ADAM12: variants seen among roughly 807,000 people sequenced by gnomAD.
The protein encoded by ADAM12 is disintegrin and metalloproteinase domain-containing protein 12.
ADAM12 carries 70 observed loss-of-function variants against 106.4 expected under a neutral mutation model. That is an observed-to-expected ratio of 0.66 (90% CI 0.54 to 0.80). The LOEUF (loss-of-function observed/expected upper bound fraction) is 0.80. Ranked by LOEUF, ADAM12 falls within the 30% of genes least tolerant of loss-of-function variation. ADAM12 has a pLI of 0.00. For synonymous variants in ADAM12, 420 were observed against 433.5 expected (o/e 0.97, Z 0.39); for missense variants, 1,010 against 1,171.9 (o/e 0.86, Z 2.02).
At chr10:126,192,812 A>T (rs11816710) in intron 3 of ADAM12, among the ~76,000 whole-genome samples, 1 of 152,322 alleles carries the variant, frequency 6.6e-6, no homozygotes, top group South Asian at 2.1e-4. Context: ...GCATGTGACT[A>T]TCTGGTCCTC....
At chr10:126,225,928 C>G (rs891134882) in intron 3 of ADAM12, among the ~76,000 whole-genome samples, 1 of 152,120 alleles carries the variant, frequency 6.6e-6, no homozygotes, top group Non-Finnish European at 1.5e-5. Context: ...AAGTCGAAGC[C>G]TTTCGCAGCT....
intron 3 of ADAM12, among the ~76,000 whole-genome samples, chr10:126,176,084 C>T (rs1432892533): frequency 6.6e-6 from 1 of 152,166 alleles, no homozygotes; most frequent in Non-Finnish European, 1.5e-5. Context: ...CAGGTCACTG[C>T]GATCCTCAGG....
At chr10:126,237,632 T>G (rs191115469) in intron 3 of ADAM12, among the ~76,000 whole-genome samples, 2 of 152,250 alleles carry the variant, frequency 1.3e-5, no homozygotes, top group Admixed American at 1.3e-4. Flanking sequence ...GCTGTGATCC[T>G]TATTATTTTG....
At chr10:126,109,749 A>G (rs2133599856) in intron 7 of ADAM12, 26 bp downstream of exon 7, 1 of 1,600,346 alleles carries the variant, frequency 6.2e-7, no homozygotes, top group Admixed American at 1.7e-5. Context: ...AACCAACCAT[A>G]CTGAGAAATT....
At chr10:126,363,655 A>G (rs1855812193) in intron 1 of ADAM12, among the ~76,000 whole-genome samples, 1 of 152,210 alleles carries the variant, frequency 6.6e-6, no homozygotes, top group African/African-American at 2.4e-5. Context: ...TGCCTTCTCT[A>G]TGAGAACATG....
intron 3 of ADAM12, among the ~76,000 whole-genome samples, chr10:126,218,640 G>A (rs1223292445): frequency 6.6e-6 from 1 of 152,160 alleles, no homozygotes; most frequent in Non-Finnish European, 1.5e-5. Flanking sequence ...CTGGGCAATG[G>A]GTCTGCCTTG....
At chr10:126,177,896 G>A (rs573902174) in intron 3 of ADAM12, among the ~76,000 whole-genome samples, 3 of 152,298 alleles carry the variant, frequency 2.0e-5, no homozygotes, top group South Asian at 4.1e-4. Flanking sequence ...TAGCTGGAGC[G>A]AGCAACGTGT....
chr10:126,284,132 A>C (rs1959726207), intron 2 of ADAM12, among the ~76,000 whole-genome samples: 1 of 152,084 alleles, frequency 6.6e-6, no homozygotes. Context: ...CAGGCCTTTG[A>C]GACCAGCCTG....
At chr10:126,270,663 G>C (rs932228541) in intron 3 of ADAM12, among the ~76,000 whole-genome samples, 1 of 152,152 alleles carries the variant, frequency 6.6e-6, no homozygotes, top group African/African-American at 2.4e-5. Context: ...TAGCGGTGGC[G>C]CCAGGCATTG....
rs150065909 is a variant in ADAM12, at chr10:126,064,538, G to A, written c.1609+268C>T. ...CTGCATCTTCTGTATCCCCCGGGGC[G>A]CACAGTAGGTGCTCCTGCAGCTCCT... On this transcript the variant is annotated intron_variant, in intron 14 of 22. Coordinates refer to ENST00000448723, the MANE Select transcript of ADAM12 (RefSeq NM_001288973.2). This position sits in a 1 kb window ranked among gnomAD's most constrained non-coding sequence, Gnocchi z 4.4. 6.3e-3 allele frequency among the ~76,000 whole-genome samples: 958 copies of A among 151,916 alleles called. 13 individuals carry two copies. The highest frequency in any genetic ancestry group is 0.021 in the African/African-American group (888 of 41,442).
At chr10:126,054,147 T>G (rs1418716759) in intron 14 of ADAM12, among the ~76,000 whole-genome samples, 1 of 152,226 alleles carries the variant, frequency 6.6e-6, no homozygotes, top group African/African-American at 2.4e-5. Flanking sequence ...CACTTTTTAA[T>G]AGAGAAAGTG....
rs1466357440 is a variant in ADAM12 at position 126,195,359 on chromosome 10, C to T, written c.261-40054G>A. Among the ~76,000 whole-genome samples the T allele has an allele frequency of 2.0e-5, 3 of 152,072 alleles. No individual in the cohort carries two copies. The East Asian group carries it at 5.8e-4, about 29-fold the overall frequency. ...GGAGGCCCAGGTGGGTGGATCACCTCAGATCAGGGGTTCGAGATTGGCTTG... is the reference window on the plus strand; with the variant it reads ...GGAGGCCCAGGTGGGTGGATCACCTTAGATCAGGGGTTCGAGATTGGCTTG... On this transcript the variant is annotated intron_variant, in intron 3 of 22. Coordinates refer to ENST00000448723, the MANE Select transcript of ADAM12 (RefSeq NM_001288973.2).
intron 1 of ADAM12, among the ~76,000 whole-genome samples, chr10:126,338,019 C>T (rs1823716641): frequency 6.6e-6 from 1 of 152,188 alleles, no homozygotes; most frequent in African/African-American, 2.4e-5. Flanking sequence ...GAGGACAGAG[C>T]CATTTGGAAA....
intron 14 of ADAM12, among the ~76,000 whole-genome samples, chr10:126,052,184 G>A (rs1030752015): frequency 1.3e-5 from 2 of 152,224 alleles, no homozygotes; most frequent in African/African-American, 4.8e-5. Flanking sequence ...AGCAGATTAA[G>A]ACCTGGCCCT....
At chr10:126,356,776 A>G in intron 1 of ADAM12, among the ~76,000 whole-genome samples, 1 of 152,072 alleles carries the variant, frequency 6.6e-6, no homozygotes, top group South Asian at 2.1e-4. Context: ...AGTTTGATGA[A>G]GAAACAGAAA....
At position 126,080,991 on chromosome 10, in the gene ADAM12, G is replaced by A. The variant is rs1028964797; in HGVS notation, c.1146-9337C>T. 5.3e-5 allele frequency among the ~76,000 whole-genome samples: 8 copies of A among 152,166 alleles called. 1 individual carries two copies. The South Asian group carries it at 1.0e-3, about 20-fold the overall frequency. ...TTATCAACCTCGACAGTAGAAGTCGGGAGTTATCTGACTTGCAAAAGCTCT... is the reference window on the plus strand; with the variant it reads ...TTATCAACCTCGACAGTAGAAGTCGAGAGTTATCTGACTTGCAAAAGCTCT... On this transcript the variant is annotated intron_variant, in intron 11 of 22. Transcript: ENST00000448723.
intron 3 of ADAM12, among the ~76,000 whole-genome samples, chr10:126,224,506 G>C (rs1435112245): frequency 6.6e-6 from 1 of 151,816 alleles, no homozygotes; most frequent in Non-Finnish European, 1.5e-5. Flanking sequence ...GGCTCTTCTG[G>C]CTCTTAGAAG....
intron 4 of ADAM12, among the ~76,000 whole-genome samples, chr10:126,149,466 A>G (rs945603894): frequency 2.6e-5 from 4 of 152,170 alleles, no homozygotes; most frequent in Non-Finnish European, 5.9e-5. Flanking sequence ...TGTCAACTTG[A>G]TTGGATTGAA....
chr10:126,135,188 C>T (rs1382842191), intron 5 of ADAM12, among the ~76,000 whole-genome samples: 1 of 152,196 alleles, frequency 6.6e-6, no homozygotes, highest in East Asian at 1.9e-4. Context: ...TGAGAGGAGG[C>T]CCTTTAAGAT....
Sources: gnomAD v4.1 joint callset for allele counts (sites outside exome capture counted in the v4.1 genomes callset) on GRCh38, gnomAD v4.1.1 for gene constraint, Gnocchi (gnomAD v3.1) non-coding constraint, MANE v1.5 for transcripts, NCBI Gene and HGNC (gene_info 2026-07-23, HGNC 2026-07-21) for gene names.